KCNMB2: variants seen among roughly 807,000 people sequenced by gnomAD.
KCNMB2 encodes the protein potassium calcium-activated channel subfamily M regulatory beta subunit 2.
KCNMB2 carries 9 observed loss-of-function variants against 24.5 expected under a neutral mutation model. That is an observed-to-expected ratio of 0.37 (90% confidence interval 0.22 to 0.64). KCNMB2 has a LOEUF of 0.64. Among genes scored for constraint, KCNMB2 ranks in the 30% least tolerant of loss-of-function variants. The pLI, the probability that KCNMB2 is intolerant of heterozygous loss-of-function variation, is 0.63. For synonymous variants in KCNMB2, 109 were observed against 104.4 expected, an observed-to-expected ratio of 1.04 and a Z score of -0.27; for missense variants, 226 against 284.3, an observed-to-expected ratio of 0.79 and a Z score of 1.47.
chr3:178,578,296 A>G (rs1377279761), intron 1 of KCNMB2, among the ~76,000 whole-genome samples: 1 of 152,238 alleles, frequency 6.6e-6, no homozygotes, highest in Non-Finnish European at 1.5e-5. Context: ...TAAGCAAAGG[A>G]GAAATCAATT....
intron 1 of KCNMB2, among the ~76,000 whole-genome samples, chr3:178,721,265 G>A (rs1038417304): frequency 1.3e-5 from 2 of 152,084 alleles, no homozygotes; most frequent in African/African-American, 4.8e-5. Context: ...TCTCAGATTT[G>A]TCAAAGATCA....
intron 1 of KCNMB2, among the ~76,000 whole-genome samples, chr3:178,665,636 T>A (rs1453652134): frequency 1.3e-5 from 2 of 152,168 alleles, no homozygotes. Context: ...GGTATTATAA[T>A]CTGACATATG....
intron 1 of KCNMB2, among the ~76,000 whole-genome samples, chr3:178,588,918 G>C (rs1398448601): frequency 6.6e-6 from 1 of 152,260 alleles, no homozygotes; most frequent in South Asian, 2.1e-4. Context: ...AGGACCTGTC[G>C]CAGAGAAAGT....
intron 1 of KCNMB2, among the ~76,000 whole-genome samples, chr3:178,777,998 G>T (rs1423120252): frequency 1.3e-5 from 2 of 152,162 alleles, no homozygotes; most frequent in East Asian, 1.9e-4. Flanking sequence ...CTCTCAAGTG[G>T]TAGCTGTCCC....
chr3:178,808,782 C>CA (rs1346944788), intron 2 of KCNMB2, among the ~76,000 whole-genome samples: 5 of 152,146 alleles, frequency 3.3e-5, no homozygotes, highest in East Asian at 1.9e-4. Flanking sequence ...ATTGCAGCCA[C>CA]AAAAAATATA....
At chr3:178,790,715 G>A (rs1407391529) in intron 1 of KCNMB2, among the ~76,000 whole-genome samples, 1 of 152,190 alleles carries the variant, frequency 6.6e-6, no homozygotes, top group African/African-American at 2.4e-5. Context: ...GGCCACAGAG[G>A]TGCTTGTGTC....
At chr3:178,602,182 A>G (rs548763917) in intron 1 of KCNMB2, among the ~76,000 whole-genome samples, 1 of 151,250 alleles carries the variant, frequency 6.6e-6, no homozygotes, top group Non-Finnish European at 1.5e-5. Context: ...ATTAGAAGAG[A>G]TTGCCAATCT....
intron 1 of KCNMB2, among the ~76,000 whole-genome samples, chr3:178,738,392 G>A (rs1298051607): frequency 2.0e-5 from 3 of 152,152 alleles, no homozygotes; most frequent in Admixed American, 1.3e-4. Flanking sequence ...ATCTGGTCAT[G>A]TGACTCCCTT....
At position 178,564,983 on chromosome 3, in the gene KCNMB2, T is replaced by G. The variant is rs192042386; in HGVS notation, c.-68+28272T>G. On this transcript the variant is annotated intron_variant, in intron 1 of 4. Coordinates refer to ENST00000452583, the MANE Select transcript of KCNMB2 (RefSeq NM_181361.3). ...AATACTTTGAAGGTAATAAAAATAT[T>G]AAAGTATATGAAATTAAATTCATTC... Among the ~76,000 whole-genome samples, 200 of 152,278 alleles carry G rather than the reference T, an allele frequency of 1.3e-3. 1 individual carries two copies. Among genetic ancestry groups the G allele is most frequent in the African/African-American group, 4.4e-3 (183 of 41,552 alleles).
At chr3:178,597,399 C>T (rs1473759706) in intron 1 of KCNMB2, among the ~76,000 whole-genome samples, 3 of 152,082 alleles carry the variant, frequency 2.0e-5, no homozygotes, top group Non-Finnish European at 4.4e-5. Context: ...ACCCATAGGA[C>T]ACAGCCACTG....
chr3:178,664,899 T>C (rs557622476), intron 1 of KCNMB2, among the ~76,000 whole-genome samples: 1 of 152,130 alleles, frequency 6.6e-6, no homozygotes, highest in East Asian at 1.9e-4. Context: ...CAAAGGACGA[T>C]CTATACAAAA....
chr3:178,595,495 G>C (rs1560123618), intron 1 of KCNMB2, among the ~76,000 whole-genome samples: 1 of 152,056 alleles, frequency 6.6e-6, no homozygotes, highest in Non-Finnish European at 1.5e-5. Flanking sequence ...ATCCCCATGT[G>C]TTGTGGGAGG....
chr3:178,574,897 G>A (rs192890030), intron 1 of KCNMB2, among the ~76,000 whole-genome samples: 277 of 152,046 alleles, frequency 1.8e-3, no homozygotes, highest in South Asian at 0.017. Flanking sequence ...CTGAAACCCC[G>A]TCTCTACTAA....
chr3:178,819,573 C>A (rs1400795110), intron 2 of KCNMB2, among the ~76,000 whole-genome samples: 1 of 152,024 alleles, frequency 6.6e-6, no homozygotes, highest in African/African-American at 2.4e-5. Flanking sequence ...CCTCCTCTAC[C>A]CCTGTGTGTC....
intron 1 of KCNMB2, among the ~76,000 whole-genome samples, chr3:178,609,201 A>G (rs1258167392): frequency 6.6e-6 from 1 of 152,122 alleles, no homozygotes; most frequent in Admixed American, 6.5e-5. Flanking sequence ...TGGTGACATG[A>G]TATGTCATTA....
At chr3:178,629,141 C>G (rs960859557) in intron 1 of KCNMB2, among the ~76,000 whole-genome samples, 1 of 152,142 alleles carries the variant, frequency 6.6e-6, no homozygotes, top group African/African-American at 2.4e-5. Context: ...GTTAGCTTTC[C>G]AAACTTCTAT....
At chr3:178,839,770 T>C (rs988864779) in intron 4 of KCNMB2, among the ~76,000 whole-genome samples, 5 of 152,172 alleles carry the variant, frequency 3.3e-5, no homozygotes, top group African/African-American at 1.2e-4. Flanking sequence ...GCCACCTCCA[T>C]GATCCAGTCA....
chr3:178,588,891 A>G (rs6771851), intron 1 of KCNMB2, among the ~76,000 whole-genome samples: 11,242 of 152,252 alleles, frequency 0.074, 513 homozygotes, highest in Middle Eastern at 0.18. Flanking sequence ...GAGATAATGG[A>G]TATGAAACAA....
intron 1 of KCNMB2, among the ~76,000 whole-genome samples, chr3:178,633,521 C>G (rs1212652256): frequency 6.6e-6 from 1 of 152,180 alleles, no homozygotes; most frequent in African/African-American, 2.4e-5. Flanking sequence ...TACCTTGGCC[C>G]CTTGTAGCCA....
Sources: gnomAD v4.1 joint callset for allele counts (sites outside exome capture counted in the v4.1 genomes callset) on GRCh38, gnomAD v4.1.1 for gene constraint, MANE v1.5 for transcripts, NCBI Gene and HGNC (gene_info 2026-07-23, HGNC 2026-07-21) for gene names.